The following GGA2 variants were observed in gnomAD, a reference collection of about 807,000 sequenced individuals.
GGA2 encodes the protein golgi associated, gamma adaptin ear containing, ARF binding protein 2.
Under a neutral mutation model 79.5 loss-of-function variants are expected in GGA2, and 48 were observed. The ratio of observed to expected loss-of-function variants is 0.60; its 90% CI spans 0.48 to 0.77. The LOEUF (loss-of-function observed/expected upper bound fraction) is 0.77. GGA2 is among the 30% of genes least tolerant of loss of function. The pLI is 0.00. For missense variants in GGA2, 770 were observed against 774.0 expected, an observed-to-expected ratio of 0.99 and a Z score of 0.06; for synonymous variants, 317 against 302.0, an observed-to-expected ratio of 1.05 and a Z score of -0.51.
chr16:23,489,973 A>T (rs1359962925), intron 5 of GGA2, among the ~76,000 whole-genome samples: 1 of 152,298 alleles, frequency 6.6e-6, no homozygotes, highest in East Asian at 1.9e-4. Context: ...TCACAAACAG[A>T]TCCTACCAAG....
At position 23,478,485 on chromosome 16, in the gene GGA2, C is replaced by G. The variant is rs577676484; in HGVS notation, c.1175G>C (p.Cys392Ser). Residue 392 changes from cysteine to serine, a missense_variant, in exon 13 of 17, where the codon TGC (cysteine) becomes TCC (serine). By Grantham distance (112) the Cys-to-Ser change is moderately radical (BLOSUM62 -1). Transcript: ENST00000309859. ...GGAGGGATTCCTCTTTTCCTCACAG[C>G]AATTCTGACCAGAAACCTGTCAAAT... The part of the protein sequence containing the change: ...PVTGMVSGQN[C>S]CEEKRNPSSS... 1.9e-6 allele frequency: 3 copies of G among 1,607,184 alleles called. No homozygotes were observed. The highest frequency in any genetic ancestry group is 1.7e-6 in the Non-Finnish European group (2 of 1,175,458).
At chr16:23,485,889 TTTGGGGAGG>T (rs1964705253) in intron 8 of GGA2, 117 bp downstream of exon 8, 2 of 840,850 alleles carry the variant, frequency 2.4e-6, no homozygotes, top group Non-Finnish European at 3.8e-6. Flanking sequence ...CACAACGACA[TTTGGGGAGG>T]TGTCAGATAT....
chr16:23,512,605 C>A, upstream of GGA2, among the ~76,000 whole-genome samples: 1 of 151,102 alleles, frequency 6.6e-6, no homozygotes, highest in Non-Finnish European at 1.5e-5. Flanking sequence ...CCCACTTGCA[C>A]ATCCATTTCA....
At chr16:23,487,568 C>T (rs1266890265) in intron 6 of GGA2, among the ~76,000 whole-genome samples, 1 of 152,136 alleles carries the variant, frequency 6.6e-6, no homozygotes. Flanking sequence ...CAGCGCCCAG[C>T]AGGATGCCTG....
At chr16:23,505,215 A>C (rs1411589250) in intron 1 of GGA2, among the ~76,000 whole-genome samples, 1 of 152,130 alleles carries the variant, frequency 6.6e-6, no homozygotes, top group Non-Finnish European at 1.5e-5. Flanking sequence ...CCTACTCATC[A>C]CCTGGGAGTA....
At position 23,468,959 on chromosome 16, in the gene GGA2, T is replaced by C. The variant is rs1293867977; in HGVS notation, c.1658A>G (p.Lys553Arg). ...CATCAAAGGACTGAATGCAGGAAGCTTGGAGCTGGATGCCGGCTGCAGCTT... is the reference window on the plus strand; with the variant it reads ...CATCAAAGGACTGAATGCAGGAAGCCTGGAGCTGGATGCCGGCTGCAGCTT... ...RVKLQPASSS[K>R]LPAFSPLMPP... Residue 553 changes from lysine (K) to arginine (R), a missense_variant, in exon 16 of 17, where the codon AAG (lysine) becomes AGG (arginine). By Grantham distance (26) the Lys-to-Arg change is conservative (BLOSUM62 2). Coordinates refer to ENST00000309859, the MANE Select transcript of GGA2 (RefSeq NM_015044.4). 6.2e-7 allele frequency: 1 copy of C among 1,612,588 alleles called. No individual in the cohort carries two copies. Among genetic ancestry groups the C allele is most frequent in the African/African-American group, 1.3e-5 (1 of 75,018 alleles).
chr16:23,464,264 GA>G lies in GGA2; in HGVS notation c.*3325del, dbSNP rs1257323538. 1.3e-5 allele frequency: 2 copies of G among 152,182 alleles called. No individual in the cohort carries two copies. The highest frequency in any genetic ancestry group is 2.9e-5 in the Non-Finnish European group (2 of 68,050). The allele number at this position is 152,182 out of a possible 1,614,324, so 9.4% of individuals were successfully genotyped here. On this transcript the variant is annotated 3_prime_UTR_variant, in exon 17 of 17. Transcript: ENST00000309859. ...ATTTTTGCCCAGTCTTAAGTTCATG[GA>G]AGATAATAGGAAGAGTAATTAACTG...
chr16:23,485,450 G>C (rs1012252616), intron 8 of GGA2, among the ~76,000 whole-genome samples: 19 of 152,198 alleles, frequency 1.2e-4, no homozygotes, highest in Non-Finnish European at 1.8e-4. Context: ...CACCCTTGAA[G>C]ATAGCTTAGC....
intron 2 of GGA2, among the ~76,000 whole-genome samples, chr16:23,516,679 G>A (rs1965105225): frequency 6.6e-6 from 1 of 152,114 alleles, no homozygotes; most frequent in African/African-American, 2.4e-5. Flanking sequence ...TAACTTTGCT[G>A]AGGTGCCTGC....
At chr16:23,509,906 CTCCTTAA>C (rs1965016933) in intron 1 of GGA2, among the ~76,000 whole-genome samples, 1 of 151,940 alleles carries the variant, frequency 6.6e-6, no homozygotes, top group African/African-American at 2.4e-5. Flanking sequence ...ACGACTGCGT[CTCCTTAA>C]GCCTCAAGGT....
chr16:23,478,547 C>G, intron 12 of GGA2, 46 bp from the exon 13 acceptor site: 1 of 1,589,280 alleles, frequency 6.3e-7, no homozygotes, highest in Non-Finnish European at 8.6e-7. Flanking sequence ...TATGAATGAC[C>G]ATCAGCCACA....
intron 1 of GGA2, among the ~76,000 whole-genome samples, chr16:23,505,816 T>A (rs1346819097): frequency 6.6e-6 from 1 of 152,132 alleles, no homozygotes; most frequent in Non-Finnish European, 1.5e-5. Context: ...GAAAAGAAAT[T>A]CTGCTGAGAT....
chr16:23,505,560 C>A (rs1964965533), intron 1 of GGA2, among the ~76,000 whole-genome samples: 1 of 152,200 alleles, frequency 6.6e-6, no homozygotes, highest in African/African-American at 2.4e-5. Context: ...GCCGTTTGTA[C>A]TTTTAAGGCA....
At chr16:23,500,328 C>A (rs183060548) in intron 1 of GGA2, among the ~76,000 whole-genome samples, 1 of 152,360 alleles carries the variant, frequency 6.6e-6, no homozygotes, top group East Asian at 1.9e-4. Context: ...AGCCGAGCTG[C>A]CTCACGGGGA....
chr16:23,499,684 G>T (rs1424107619), intron 1 of GGA2, among the ~76,000 whole-genome samples: 3 of 152,138 alleles, frequency 2.0e-5, no homozygotes, highest in Non-Finnish European at 4.4e-5. Context: ...GGATGGTCTC[G>T]ATCTCCTGAC....
intron 16 of GGA2, 113 bp from the exon 17 acceptor site, chr16:23,467,813 ACT>A: frequency 2.9e-6 from 2 of 690,500 alleles, no homozygotes; most frequent in Non-Finnish European, 5.4e-6. Flanking sequence ...TACCTGGGAT[ACT>A]CTCTTTGGGA....
chr16:23,491,474 T>C lies in GGA2; in HGVS notation c.475+203A>G, dbSNP rs542575689. Among the ~76,000 whole-genome samples the C allele has an allele frequency of 1.6e-4, 24 of 150,788 alleles. No homozygotes were observed. In the East Asian group the frequency reaches 3.5e-3, roughly 22 times the overall value. ...AGGGAAAAAAGCAAACCCTACATCA[T>C]CTTTCCAGGTTTGCACTATGGCTTT... On this transcript the variant is annotated intron_variant, in intron 5 of 16. Coordinates refer to ENST00000309859, the MANE Select transcript of GGA2 (RefSeq NM_015044.4).
At chr16:23,495,398 A>T in intron 2 of GGA2, 1 of 210,662 alleles carries the variant, frequency 4.7e-6, no homozygotes, top group South Asian at 1.8e-4. Context: ...TGAATTTGCT[A>T]ATTTTAGAAA....
At chr16:23,506,687 C>T (rs756211802) in intron 1 of GGA2, among the ~76,000 whole-genome samples, 3 of 152,164 alleles carry the variant, frequency 2.0e-5, no homozygotes, top group African/African-American at 7.2e-5. Context: ...CCCAGCTCTC[C>T]GTCCGGGTGG....
Sources: gnomAD v4.1 joint callset for allele counts (sites outside exome capture counted in the v4.1 genomes callset) on GRCh38, gnomAD v4.1.1 for gene constraint, MANE v1.5 for transcripts, NCBI Gene and HGNC (gene_info 2026-07-23, HGNC 2026-07-21) for gene names.